Variants in XKR6 observed in about 807,000 individuals in gnomAD.
XKR6 encodes XK-related protein 6.
A neutral mutation model predicts 56.7 loss-of-function variants in XKR6; 22 were observed. That is an observed-to-expected ratio of 0.39 (90% confidence interval 0.28 to 0.55). The LOEUF is 0.55. Ranked by LOEUF, XKR6 falls within the 20% of genes least tolerant of loss-of-function variation. The probability of loss-of-function intolerance (pLI) is 0.66; values close to 1 mark genes in which losing one functional copy is unlikely to be tolerated. For synonymous variants in XKR6, 524 were observed against 387.8 expected, an observed-to-expected ratio of 1.35 and a Z score of -4.13; for missense variants, 852 against 889.0, an observed-to-expected ratio of 0.96 and a Z score of 0.53.
intron 1 of XKR6, among the ~76,000 whole-genome samples, chr8:11,170,737 G>A (rs1156290374): frequency 6.6e-6 from 1 of 152,144 alleles, no homozygotes; most frequent in African/African-American, 2.4e-5. Flanking sequence ...CATCATTGCT[G>A]CCCTTCAACA....
chr8:10,960,382 T>C (rs1161525066), intron 1 of XKR6, among the ~76,000 whole-genome samples: 1 of 152,238 alleles, frequency 6.6e-6, no homozygotes, highest in Non-Finnish European at 1.5e-5. Flanking sequence ...AGCGTTACCC[T>C]GGCAGATGAC....
intron 1 of XKR6, chr8:11,137,802 T>A (rs899578678): frequency 2.4e-6 from 1 of 416,562 alleles, no homozygotes; most frequent in African/African-American, 2.1e-5. Flanking sequence ...ACCTCAGGCT[T>A]TCTGAACTGC....
chr8:10,954,629 G>T (rs1412835238), intron 1 of XKR6, among the ~76,000 whole-genome samples: 4 of 152,072 alleles, frequency 2.6e-5, no homozygotes, highest in Non-Finnish European at 5.9e-5. Context: ...TCCTGATGGT[G>T]TCCTCTGAAG....
At position 11,009,493 on chromosome 8, in the gene XKR6, G is replaced by C. The variant is rs530280888; in HGVS notation, c.765-84663C>G. 5.9e-5 allele frequency among the ~76,000 whole-genome samples: 9 copies of C among 152,308 alleles called. 1 individual carries two copies. The highest frequency in any genetic ancestry group is 1.9e-4 in the African/African-American group (8 of 41,572). On this transcript the variant is annotated intron_variant, in intron 1 of 2. Coordinates refer to ENST00000416569, the MANE Select transcript of XKR6 (RefSeq NM_173683.4). ...CCATTGTACTCCAGCCTTGGTGAGA[G>C]AGTGAGATCCTGTCTCAAAAAAAGG...
chr8:11,128,916 C>T (rs1230768986), intron 1 of XKR6: 2 of 456,774 alleles, frequency 4.4e-6, no homozygotes, highest in East Asian at 6.9e-5. Flanking sequence ...TCCTTTTAAC[C>T]TTGTTCCCCT....
chr8:11,162,350 C>A (rs1195394515), intron 1 of XKR6, among the ~76,000 whole-genome samples: 1 of 152,132 alleles, frequency 6.6e-6, no homozygotes, highest in Admixed American at 6.5e-5. Flanking sequence ...TCCAGCCTCC[C>A]AAACTCACTC....
intron 1 of XKR6, among the ~76,000 whole-genome samples, chr8:11,072,068 G>A (rs1022020481): frequency 6.6e-6 from 1 of 152,196 alleles, no homozygotes; most frequent in African/African-American, 2.4e-5. Context: ...TTTCCCAGAG[G>A]AGCAAGCTCT....
chr8:11,019,767 C>A (rs1049566191), intron 1 of XKR6, among the ~76,000 whole-genome samples: 3 of 152,216 alleles, frequency 2.0e-5, no homozygotes, highest in Non-Finnish European at 4.4e-5. Context: ...TTGGTTCCAA[C>A]CTTCAGCTAA....
intron 1 of XKR6, among the ~76,000 whole-genome samples, chr8:10,974,415 A>T (rs1381601975): frequency 6.6e-6 from 1 of 152,196 alleles, no homozygotes. Flanking sequence ...AACAGAGTTG[A>T]AACCACCCGC....
At chr8:11,107,941 C>A (rs1485701808) in intron 1 of XKR6, 1 of 275,108 alleles carries the variant, frequency 3.6e-6, no homozygotes, top group East Asian at 1.2e-4. Context: ...TGTGCGGCGG[C>A]ACCACTCTGA....
At chr8:11,039,035 G>A (rs1204599167) in intron 1 of XKR6, among the ~76,000 whole-genome samples, 4 of 151,986 alleles carry the variant, frequency 2.6e-5, no homozygotes, top group Admixed American at 1.3e-4. Flanking sequence ...GCCACTCAGA[G>A]CTTATGGTCC....
chr8:10,978,398 G>A (rs899242184), intron 1 of XKR6, among the ~76,000 whole-genome samples: 5 of 152,162 alleles, frequency 3.3e-5, no homozygotes, highest in African/African-American at 7.2e-5. Flanking sequence ...AAATTTCCAT[G>A]GATTTATACA....
intron 2 of XKR6, among the ~76,000 whole-genome samples, chr8:10,911,196 G>A (rs1264579202): frequency 8.1e-6 from 1 of 123,920 alleles, no homozygotes; most frequent in East Asian, 2.0e-4. Context: ...GAGAGAGGGT[G>A]TGCGTGTGTG....
At chr8:10,924,859 G>C (rs754030185) in intron 1 of XKR6, 29 bp from the exon 2 acceptor site, 1 of 1,596,738 alleles carries the variant, frequency 6.3e-7, no homozygotes. Flanking sequence ...AGAACACAGA[G>C]AGCATGGGTG....
At chr8:10,927,659 C>G (rs1800932210) in intron 1 of XKR6, among the ~76,000 whole-genome samples, 1 of 152,202 alleles carries the variant, frequency 6.6e-6, no homozygotes, top group South Asian at 2.1e-4. Flanking sequence ...CCACAGGCCC[C>G]TCTGCCCACC....
chr8:10,964,719 G>C (rs1802165256), intron 1 of XKR6, among the ~76,000 whole-genome samples: 1 of 152,084 alleles, frequency 6.6e-6, no homozygotes, highest in Non-Finnish European at 1.5e-5. Flanking sequence ...GGAGTCACCT[G>C]GTCAGGGCAG....
At chr8:10,929,273 C>T (rs567343149) in intron 1 of XKR6, among the ~76,000 whole-genome samples, 5 of 152,364 alleles carry the variant, frequency 3.3e-5, no homozygotes, top group Admixed American at 2.0e-4. Context: ...CTCATTTAAT[C>T]CTCACAACAC....
chr8:11,151,686 T>G (rs1375125777), intron 1 of XKR6, among the ~76,000 whole-genome samples: 1 of 151,498 alleles, frequency 6.6e-6, no homozygotes, highest in Non-Finnish European at 1.5e-5. Context: ...TTTGTCAGTC[T>G]TTGAACAAGT....
At chr8:11,016,684 C>T (rs138208560) in intron 1 of XKR6, among the ~76,000 whole-genome samples, 3 of 152,204 alleles carry the variant, frequency 2.0e-5, no homozygotes, top group African/African-American at 7.2e-5. Flanking sequence ...GCCCCCGGCC[C>T]CGCCTCCGCC....
Sources: gnomAD v4.1 joint callset for allele counts (sites outside exome capture counted in the v4.1 genomes callset) on GRCh38, gnomAD v4.1.1 for gene constraint, MANE v1.5 for transcripts, NCBI Gene and HGNC (gene_info 2026-07-23, HGNC 2026-07-21) for gene names.